The following DPYSL3 variants were observed in gnomAD, a reference collection of about 807,000 sequenced individuals.
DPYSL3 encodes dihydropyrimidinase-related protein 3.
In DPYSL3, 16 loss-of-function variants were observed where a neutral mutation model predicts 66.1. The observed-to-expected ratio is 0.24, with a 90% CI of 0.16 to 0.37. The LOEUF (loss-of-function observed/expected upper bound fraction) is 0.37, where lower values mean the gene tolerates loss of function less well. Among genes scored for constraint, DPYSL3 ranks in the 10% least tolerant of loss-of-function variants. The probability of loss-of-function intolerance (pLI) is 1.00; values close to 1 mark genes in which losing one functional copy is unlikely to be tolerated. For synonymous variants in DPYSL3, 338 were observed against 345.1 expected (o/e 0.98, Z 0.23); for missense variants, 738 against 916.2 (o/e 0.81, Z 2.51).
chr5:147,484,404 TGGAGC>T (rs1238120691), intron 1 of DPYSL3, among the ~76,000 whole-genome samples: 1 of 152,186 alleles, frequency 6.6e-6, no homozygotes, highest in East Asian at 1.9e-4. Flanking sequence ...ACAGCTATTG[TGGAGC>T]CACATCACTG....
At chr5:147,423,713 GTT>G in intron 2 of DPYSL3, among the ~76,000 whole-genome samples, 1 of 152,100 alleles carries the variant, frequency 6.6e-6, no homozygotes, top group South Asian at 2.1e-4. Flanking sequence ...TTGTTTGTTT[GTT>G]TGTTTGTTTG....
intron 1 of DPYSL3, among the ~76,000 whole-genome samples, chr5:147,429,800 T>C (rs1752274146): frequency 6.6e-6 from 1 of 152,166 alleles, no homozygotes; most frequent in African/African-American, 2.4e-5. Flanking sequence ...CTCTTCTCTA[T>C]TTGATACTGA....
intron 3 of DPYSL3, among the ~76,000 whole-genome samples, chr5:147,417,912 C>T (rs761708295): frequency 5.3e-5 from 8 of 152,080 alleles, no homozygotes; most frequent in Non-Finnish European, 1.0e-4. Context: ...ACATGACCAG[C>T]GTCCCAGTAG....
chr5:147,396,956 A>T (rs1385487467), intron 12 of DPYSL3, among the ~76,000 whole-genome samples: 1 of 112,366 alleles, frequency 8.9e-6, no homozygotes, highest in Non-Finnish European at 1.8e-5. Context: ...ATTTATACGC[A>T]TTTTTGTTTT....
At position 147,437,848 on chromosome 5, in the gene DPYSL3, G is replaced by A. The variant is rs541691844; in HGVS notation, c.382-12885C>T. Among the ~76,000 whole-genome samples, 128 of 152,320 alleles carry A rather than the reference G, an allele frequency of 8.4e-4. 1 individual carries two copies. Among genetic ancestry groups the A allele is most frequent in the African/African-American group, 2.9e-3 (120 of 41,564 alleles). On this transcript the variant is annotated intron_variant, in intron 1 of 13. Transcript: ENST00000343218. Reference sequence around the variant, plus strand: ...AATATCTTTTTCAAAGGAATGCTGTGAGGATGAAGCCCAGATTCTCAATAA... The same window carrying A: ...AATATCTTTTTCAAAGGAATGCTGTAAGGATGAAGCCCAGATTCTCAATAA...
Position 147,393,005 on chromosome 5 carries a change from T to C in DPYSL3, c.*1030A>G, listed in dbSNP as rs1443988781. 6.6e-6 allele frequency: 1 copy of C among 152,174 alleles called. No homozygotes were observed. The highest frequency in any genetic ancestry group is 1.9e-4 in the East Asian group (1 of 5,188). The allele number at this position is 152,174 out of a possible 1,614,324, so 9.4% of individuals were successfully genotyped here. On this transcript the variant is annotated 3_prime_UTR_variant, in exon 14 of 14. Transcript: ENST00000343218. ...CATGGATGTGCCAGGATCGAGAGAA[T>C]CAAACACAAACTGCCTGTAAGAGAG... is the stretch of plus-strand genomic sequence containing the variant.
rs1400277212 is a variant in DPYSL3, at chr5:147,452,918, CACACACACAT to C, written c.382-27965_382-27956del. ...ACACACACACACACACACACACACACACACACACATAAAGTTGATCATTCCCACTGCAGCC... is the reference window on the plus strand; with the variant it reads ...ACACACACACACACACACACACACACAAAGTTGATCATTCCCACTGCAGCC... On this transcript the variant is annotated intron_variant, in intron 1 of 13. Transcript: ENST00000343218. 1.1e-4 allele frequency among the ~76,000 whole-genome samples: 16 copies of C among 148,430 alleles called. No individual in the cohort carries two copies. In the South Asian group the frequency reaches 2.6e-3, roughly 24 times the overall value.
intron 2 of DPYSL3, among the ~76,000 whole-genome samples, chr5:147,419,063 T>G (rs546498571): frequency 1.3e-5 from 2 of 152,332 alleles, no homozygotes; most frequent in African/African-American, 4.8e-5. Flanking sequence ...AGTAAATCAT[T>G]TAAAGAACAG....
intron 1 of DPYSL3, among the ~76,000 whole-genome samples, chr5:147,464,430 C>A (rs1752982787): frequency 6.6e-6 from 1 of 152,142 alleles, no homozygotes; most frequent in Admixed American, 6.5e-5. Flanking sequence ...TCCTACTGAA[C>A]TCTAAGTTGC....
At chr5:147,496,733 TAA>T (rs1753518203) in intron 1 of DPYSL3, among the ~76,000 whole-genome samples, 1 of 151,872 alleles carries the variant, frequency 6.6e-6, no homozygotes, top group Admixed American at 6.6e-5. Context: ...TGGCGATCAT[TAA>T]AAAGTCAGGA....
chr5:147,462,805 A>G (rs962677543), intron 1 of DPYSL3, among the ~76,000 whole-genome samples: 10 of 152,004 alleles, frequency 6.6e-5, no homozygotes, highest in East Asian at 1.9e-4. Context: ...TATTTGTGGG[A>G]AAAAAAAGCC....
At chr5:147,449,915 G>A (rs1011865201) in intron 1 of DPYSL3, among the ~76,000 whole-genome samples, 2 of 152,168 alleles carry the variant, frequency 1.3e-5, no homozygotes, top group Non-Finnish European at 2.9e-5. Flanking sequence ...GTTCTTATAT[G>A]TACTTAATAT....
intron 7 of DPYSL3, among the ~76,000 whole-genome samples, chr5:147,407,700 A>G (rs1197374936): frequency 6.6e-6 from 1 of 152,194 alleles, no homozygotes; most frequent in Non-Finnish European, 1.5e-5. Context: ...TGCATTCCAT[A>G]GAAGTGACCT....
chr5:147,457,262 C>A (rs938842368), intron 1 of DPYSL3, among the ~76,000 whole-genome samples: 14 of 152,240 alleles, frequency 9.2e-5, no homozygotes, highest in Admixed American at 7.2e-4. Context: ...ATACTTTTTA[C>A]CACATGACAT....
In DPYSL3 at chr5:147,509,973, C is replaced by G; in HGVS notation, c.-115G>C. On this transcript the variant is annotated 5_prime_UTR_variant, in exon 1 of 14. Coordinates refer to ENST00000343218, the MANE Select transcript of DPYSL3 (RefSeq NM_001197294.2). The surrounding 1 kb of genome is among the most constrained non-coding windows in gnomAD (Gnocchi z 5.3). Reference sequence around the variant, plus strand: ...TGGCGGGAGGAGGCGCCTGAGCCTTCGCGCCAGAGGCGGCAGTGCTGCTCC... The same window carrying G: ...TGGCGGGAGGAGGCGCCTGAGCCTTGGCGCCAGAGGCGGCAGTGCTGCTCC... The G allele has an allele frequency of 1.4e-6, 2 of 1,412,764 alleles. No individual in the cohort carries two copies. The highest frequency in any genetic ancestry group is 1.5e-5 in the South Asian group (1 of 66,686). The allele number at this position is 1,412,764 out of a possible 1,614,324, so 87.5% of individuals were successfully genotyped here.
intron 1 of DPYSL3, among the ~76,000 whole-genome samples, chr5:147,500,392 T>C (rs1753584682): frequency 1.3e-5 from 2 of 152,104 alleles, no homozygotes; most frequent in South Asian, 4.1e-4. Flanking sequence ...GGTGGGCGGA[T>C]CACCTGAGGT....
At chr5:147,435,562 G>A (rs926224262) in intron 1 of DPYSL3, among the ~76,000 whole-genome samples, 2 of 152,082 alleles carry the variant, frequency 1.3e-5, no homozygotes, top group Non-Finnish European at 2.9e-5. Context: ...GGATGCAAAC[G>A]GCTGCCAACT....
chr5:147,432,529 G>A (rs756643544), intron 1 of DPYSL3, among the ~76,000 whole-genome samples: 1 of 152,166 alleles, frequency 6.6e-6, no homozygotes, highest in Admixed American at 6.5e-5. Context: ...CCTAGCTCCC[G>A]ATAATGGTCT....
At chr5:147,408,068 G>A (rs1037811212) in intron 7 of DPYSL3, among the ~76,000 whole-genome samples, 3 of 152,160 alleles carry the variant, frequency 2.0e-5, no homozygotes, top group Non-Finnish European at 4.4e-5. Flanking sequence ...GACAGAAACA[G>A]GACTCGCTTC....
Sources: gnomAD v4.1 joint callset for allele counts (sites outside exome capture counted in the v4.1 genomes callset) on GRCh38, gnomAD v4.1.1 for gene constraint, Gnocchi (gnomAD v3.1) non-coding constraint, MANE v1.5 for transcripts, NCBI Gene and HGNC (gene_info 2026-07-23, HGNC 2026-07-21) for gene names.